POPDC1: variants seen among roughly 807,000 people sequenced by gnomAD.
The protein encoded by POPDC1 is popeye domain cAMP effector 1, also known as popeye domain-containing protein 1.
the POPDC1 span, among the ~76,000 whole-genome samples, chr6:105,118,128 T>A: frequency 6.6e-6 from 1 of 152,204 alleles, no homozygotes; most frequent in Non-Finnish European, 1.5e-5. Context: ...CCAATGTCCA[T>A]TAAACTGACA....
the POPDC1 span, among the ~76,000 whole-genome samples, chr6:105,106,153 T>C: frequency 6.6e-6 from 1 of 152,186 alleles, no homozygotes; most frequent in Non-Finnish European, 1.5e-5. Context: ...TATAAAAGTA[T>C]ATAAACAGTA....
At chr6:105,118,578 C>T in the POPDC1 span, among the ~76,000 whole-genome samples, 1 of 152,152 alleles carries the variant, frequency 6.6e-6, no homozygotes, top group South Asian at 2.1e-4. Flanking sequence ...ATGAAGCTTA[C>T]ATTCTAGTGG....
chr6:105,124,422 A>G, the POPDC1 span: 4 of 658,076 alleles, frequency 6.1e-6, no homozygotes, highest in South Asian at 1.7e-5. Context: ...ACAATACTAT[A>G]TATGCCCTAT....
the POPDC1 span, among the ~76,000 whole-genome samples, chr6:105,117,081 TTC>T: frequency 6.6e-6 from 1 of 152,184 alleles, no homozygotes; most frequent in South Asian, 2.1e-4. Flanking sequence ...TAAAAGCAAA[TTC>T]TCTGTGTTTC....
At chr6:105,125,274 A>AG in the POPDC1 span, 1 of 1,245,172 alleles carries the variant, frequency 8.0e-7, no homozygotes, top group South Asian at 1.4e-5. Context: ...ACCAACAACA[A>AG]ACTCTGTGAC....
At chr6:105,116,366 C>T in the POPDC1 span, among the ~76,000 whole-genome samples, 1 of 152,186 alleles carries the variant, frequency 6.6e-6, no homozygotes, top group Non-Finnish European at 1.5e-5. Flanking sequence ...TGGGGTCTGT[C>T]AGCCTTTCTC....
the POPDC1 span, among the ~76,000 whole-genome samples, chr6:105,101,893 A>T: frequency 6.6e-6 from 1 of 152,254 alleles, no homozygotes; most frequent in Non-Finnish European, 1.5e-5. Flanking sequence ...TGGTTCATGC[A>T]TTCACCAAAT....
the POPDC1 span, among the ~76,000 whole-genome samples, chr6:105,107,140 T>C: frequency 4.6e-5 from 7 of 151,766 alleles, no homozygotes; most frequent in African/African-American, 1.5e-4. Flanking sequence ...ATAACCATCC[T>C]TCCACTCTCT....
chr6:105,100,141 T>G, the POPDC1 span: 2 of 152,128 alleles, frequency 1.3e-5, no homozygotes, highest in African/African-American at 4.8e-5. Context: ...GGTGATCTAG[T>G]GGAGTAATAC....
At chr6:105,118,715 T>C in the POPDC1 span, among the ~76,000 whole-genome samples, 12 of 152,274 alleles carry the variant, frequency 7.9e-5, 1 homozygote, top group East Asian at 2.1e-3. Context: ...GCCACTCACT[T>C]TGTATATGTA....
the POPDC1 span, among the ~76,000 whole-genome samples, chr6:105,127,561 T>A: frequency 6.6e-6 from 1 of 152,104 alleles, no homozygotes; most frequent in Non-Finnish European, 1.5e-5. Context: ...CCAGTGATCC[T>A]CCCGAGAAGC....
the POPDC1 span, among the ~76,000 whole-genome samples, chr6:105,107,925 G>A: frequency 1.3e-5 from 2 of 152,108 alleles, no homozygotes; most frequent in Non-Finnish European, 2.9e-5. Flanking sequence ...CTAAAGAGTA[G>A]CTTTGGCTTG....
the POPDC1 span, among the ~76,000 whole-genome samples, chr6:105,130,662 T>C: frequency 2.6e-5 from 4 of 152,188 alleles, no homozygotes; most frequent in Non-Finnish European, 5.9e-5. Context: ...CCAGATGGCA[T>C]AGTCTACTAC....
the POPDC1 span, among the ~76,000 whole-genome samples, chr6:105,126,802 C>G: frequency 6.6e-6 from 1 of 152,168 alleles, no homozygotes; most frequent in African/African-American, 2.4e-5. Context: ...GCTGCAATCA[C>G]TGCTTCACAT....
the POPDC1 span, among the ~76,000 whole-genome samples, chr6:105,126,429 CAA>C: frequency 6.2e-5 from 8 of 129,104 alleles, no homozygotes; most frequent in Admixed American, 8.0e-5. Flanking sequence ...AACACTGTCT[CAA>C]AAAAAAAAAA....
the POPDC1 span, among the ~76,000 whole-genome samples, chr6:105,112,753 G>A: frequency 6.6e-6 from 1 of 152,110 alleles, no homozygotes; most frequent in African/African-American, 2.4e-5. Flanking sequence ...CCAACTCTAG[G>A]TGGACTCATC....
At chr6:105,118,355 G>A in the POPDC1 span, among the ~76,000 whole-genome samples, 4 of 152,166 alleles carry the variant, frequency 2.6e-5, no homozygotes, top group Middle Eastern at 3.4e-3. Flanking sequence ...AACATTCCTA[G>A]GAAAAAAAGC....
the POPDC1 span, among the ~76,000 whole-genome samples, chr6:105,113,940 C>T: frequency 6.6e-6 from 1 of 150,874 alleles, no homozygotes; most frequent in Non-Finnish European, 1.5e-5. Flanking sequence ...CCATCCCCCC[C>T]GCCACACACA....
the POPDC1 span, among the ~76,000 whole-genome samples, chr6:105,130,629 T>G: frequency 6.6e-6 from 1 of 152,174 alleles, no homozygotes; most frequent in African/African-American, 2.4e-5. Context: ...TGTGTGAACA[T>G]CAGAGACTAT....
Sources: gnomAD v4.1 joint callset for allele counts (sites outside exome capture counted in the v4.1 genomes callset) on GRCh38, gnomAD v4.1.1 for gene constraint, MANE v1.5 for transcripts, NCBI Gene and HGNC (gene_info 2026-07-23, HGNC 2026-07-21) for gene names.